The following FKBP15 variants were observed in gnomAD, a reference collection of about 807,000 sequenced individuals.
FKBP15 encodes the protein FK506-binding protein 15.
A neutral mutation model predicts 158.1 loss-of-function variants in FKBP15; 106 were observed. That is an observed-to-expected ratio of 0.67 (90% CI 0.57 to 0.79). FKBP15 has a LOEUF of 0.79. Among genes scored for constraint, FKBP15 ranks in the 30% least tolerant of loss-of-function variants. The pLI is 0.00. For synonymous variants in FKBP15, 547 were observed against 548.6 expected (o/e 1.00, Z 0.04); for missense variants, 1,287 against 1,479.1 (o/e 0.87, Z 2.13).
rs1236137934 is a variant in FKBP15 at position 113,206,828 on chromosome 9, T to C, written c.255-250A>G. 2.1e-5 allele frequency: 10 copies of C among 474,406 alleles called. No individual in the cohort carries two copies. The East Asian group carries it at 3.4e-4, about 16-fold the overall frequency. 29.4% of individuals were successfully genotyped at this position (474,406 alleles called of 1,614,324 possible). A position where few individuals can be genotyped will look rare whatever the true frequency, so the allele number is the denominator to read the frequency against. Reference sequence around the variant, plus strand: ...GCCTCCCAGGTTCAAGCAATTCTTCTGCCTCGGCCTCCCAAAGTGCTGGGA... The same window carrying C: ...GCCTCCCAGGTTCAAGCAATTCTTCCGCCTCGGCCTCCCAAAGTGCTGGGA... On this transcript the variant is annotated intron_variant, in intron 3 of 27. Transcript: ENST00000238256.
chr9:113,207,176 C>T lies in FKBP15; in HGVS notation c.254+36G>A, dbSNP rs72758240. 1.5e-3 allele frequency: 2,389 copies of T among 1,563,458 alleles called. 8 individuals are homozygous for T. The highest frequency in any genetic ancestry group is 1.9e-3 in the Non-Finnish European group (2,147 of 1,137,636). On this transcript the variant is annotated intron_variant, in intron 3 of 27. Transcript: ENST00000238256. ...AGTAGCTTAACTGCACGCCCTTCCA[C>T]CAAACTTCAGAGGGTGTTCCTTCTC...
intron 25 of FKBP15, among the ~76,000 whole-genome samples, 181 bp from the exon 26 acceptor site, chr9:113,170,123 T>A (rs1023663722): frequency 3.9e-5 from 6 of 151,996 alleles, no homozygotes; most frequent in Non-Finnish European, 7.4e-5. Context: ...CCTGAATAAT[T>A]TTCTTTTTTT....
At chr9:113,182,964 T>C (rs1830426451) in intron 18 of FKBP15, 96 bp from the exon 19 acceptor site, 5 of 978,312 alleles carry the variant, frequency 5.1e-6, no homozygotes, top group Admixed American at 1.9e-5. Flanking sequence ...ACATTGCTGC[T>C]CTATACCTTT....
Position 113,183,770 on chromosome 9 carries a change from G to T in FKBP15, c.1792C>A (p.Leu598Ile), listed in dbSNP as rs1481586401. ...CATTACCTCTGATTTCGTTCAATTA[G>T]TTCACTAATCTTGTCATTCTGTTCT... ...IEEQNDKISE[L>I]IERNQRYVEQ... The change falls in exon 18 of 28, where the codon CTA becomes ATA. Residue 598 changes from leucine to isoleucine, a missense_variant. Physicochemically the swap from Leu to Ile is conservative, Grantham distance 5 (BLOSUM62 2). Transcript: ENST00000238256. 1.2e-6 allele frequency: 2 copies of T among 1,612,974 alleles called. No homozygotes were observed. The highest frequency in any genetic ancestry group is 1.7e-6 in the Non-Finnish European group (2 of 1,179,214).
At chr9:113,211,689 C>G in intron 1 of FKBP15, 97 bp from the exon 2 acceptor site, 5 of 732,440 alleles carry the variant, frequency 6.8e-6, no homozygotes, top group Non-Finnish European at 1.1e-5. Context: ...CAAATACCTC[C>G]TTGACTACAT....
rs1264941451 is a variant in FKBP15 at position 113,184,721 on chromosome 9, C to T, written c.1582G>A (p.Asp528Asn). The T allele has an allele frequency of 6.2e-7, 1 of 1,607,922 alleles. No individual in the cohort carries two copies. The highest frequency in any genetic ancestry group is 1.7e-5 in the Admixed American group (1 of 59,214). ...TTAGTCATGAGATGATCCATTTTAT[C>T]AGCCACTTTGCTGACTGCCATTCGA... is the stretch of plus-strand genomic sequence containing the variant. ...EIRMAVSKVADKMDHLMTKVE... is the reference protein window; with the variant it reads ...EIRMAVSKVANKMDHLMTKVE... Residue 528 changes from aspartate to asparagine, a missense_variant, in exon 16 of 28, where the codon GAT (aspartate) becomes AAT (asparagine). Asp to Asn is a conservative substitution (Grantham distance 23). Transcript: ENST00000238256. This position sits in a 1 kb window ranked among gnomAD's most constrained non-coding sequence, Gnocchi z 4.5.
rs1830092880 is a variant in FKBP15, at chr9:113,166,028, A to G, written c.*50T>C. ...GACCCAGGGTTGGCTGTGCAAAATC[A>G]TGCTTAGGGAAGGGTTGCAGAGAAA... On this transcript the variant is annotated 3_prime_UTR_variant, in exon 28 of 28. Coordinates refer to ENST00000238256, the MANE Select transcript of FKBP15 (RefSeq NM_015258.2). 3.2e-6 allele frequency: 5 copies of G among 1,566,000 alleles called. No homozygotes were observed. The highest frequency in any genetic ancestry group is 1.8e-5 in the Admixed American group (1 of 55,594).
intron 7 of FKBP15, among the ~76,000 whole-genome samples, chr9:113,199,285 A>G (rs1328874595): frequency 6.6e-6 from 1 of 152,232 alleles, no homozygotes; most frequent in Non-Finnish European, 1.5e-5. Flanking sequence ...AATGGAAAAA[A>G]ATAAGAGTAT....
chr9:113,211,726 C>A (rs1195354908), intron 1 of FKBP15, 134 bp from the exon 2 acceptor site: 1 of 468,570 alleles, frequency 2.1e-6, no homozygotes, highest in South Asian at 4.1e-5. Flanking sequence ...AGAAACACTT[C>A]AAGCTAGGAA....
Position 113,161,932 on chromosome 9 carries a change from T to G in FKBP15, c.*4146A>C, listed in dbSNP as rs1399467765. On this transcript the variant is annotated 3_prime_UTR_variant, in exon 28 of 28. Transcript: ENST00000238256. ...ACTTGAGAGGCTCAGAAGGCTTTCTTTAGGGAACAGTGATCTTCAGGTGCA... is the reference window on the plus strand; with the variant it reads ...ACTTGAGAGGCTCAGAAGGCTTTCTGTAGGGAACAGTGATCTTCAGGTGCA... 3 of 634,622 alleles carry G rather than the reference T, an allele frequency of 4.7e-6. No homozygotes were observed. The highest frequency in any genetic ancestry group is 1.6e-5 in the South Asian group (1 of 61,598). The allele number at this position is 634,622 out of a possible 1,614,324, so 39.3% of individuals were successfully genotyped here. A position where few individuals can be genotyped will look rare whatever the true frequency, so the allele number is the denominator to read the frequency against.
Position 113,192,583 on chromosome 9 carries a change from C to A in FKBP15, c.1065+909G>T, listed in dbSNP as rs188571951. Among the ~76,000 whole-genome samples the A allele has an allele frequency of 1.9e-3, 294 of 152,262 alleles. 2 individuals carry two copies. The highest frequency in any genetic ancestry group is 6.6e-3 in the African/African-American group (276 of 41,536). On this transcript the variant is annotated intron_variant, in intron 11 of 27. Transcript: ENST00000238256. ...AGAGGCTCAGTGACCTGCTCAAAGT[C>A]AATCAGCTGGTGAATTAGTACAGAG...
intron 15 of FKBP15, 68 bp downstream of exon 15, chr9:113,186,178 TGAA>T: frequency 9.2e-7 from 1 of 1,082,106 alleles, no homozygotes; most frequent in Non-Finnish European, 1.4e-6. Flanking sequence ...GGTGTGAAAA[TGAA>T]GGAGGAGCAA....
rs936548443 is a variant in FKBP15 at position 113,162,681 on chromosome 9, A to G, written c.*3397T>C. 114 of 1,434,430 alleles carry G rather than the reference A, an allele frequency of 7.9e-5. No individual in the cohort carries two copies. The highest frequency in any genetic ancestry group is 2.0e-4 in the Middle Eastern group (1 of 4,982). The allele number at this position is 1,434,430 out of a possible 1,614,324, so 88.9% of individuals were successfully genotyped here. A position where few individuals can be genotyped will look rare whatever the true frequency, so the allele number is the denominator to read the frequency against. The stretch of plus-strand genomic sequence containing the variant: ...TAACTCAACAGCTTTCTACTCCCTG[A>G]TATCTACTCCCAGCTTCCTCATTAC... On this transcript the variant is annotated 3_prime_UTR_variant, in exon 28 of 28. Coordinates refer to ENST00000238256, the MANE Select transcript of FKBP15 (RefSeq NM_015258.2).
At chr9:113,173,813 G>A (rs531888688) in intron 22 of FKBP15, among the ~76,000 whole-genome samples, 1 of 152,288 alleles carries the variant, frequency 6.6e-6, no homozygotes, top group East Asian at 1.9e-4. Context: ...GGTACTCCAA[G>A]CAGACAAAAG....
chr9:113,205,371 C>T (rs1830867848), intron 4 of FKBP15, among the ~76,000 whole-genome samples: 1 of 152,156 alleles, frequency 6.6e-6, no homozygotes, highest in African/African-American at 2.4e-5. Flanking sequence ...GAGTAGACAT[C>T]TCTCCACAGA....
rs1162023669 is a variant in FKBP15 at position 113,162,988 on chromosome 9, A to G, written c.*3090T>C. 7.4e-6 allele frequency: 10 copies of G among 1,356,044 alleles called. No individual in the cohort carries two copies. Among genetic ancestry groups the G allele is most frequent in the Non-Finnish European group, 9.8e-6 (10 of 1,017,672 alleles). 84.0% of individuals were successfully genotyped at this position (1,356,044 alleles called of 1,614,324 possible). On this transcript the variant is annotated 3_prime_UTR_variant, in exon 28 of 28. Coordinates refer to ENST00000238256, the MANE Select transcript of FKBP15 (RefSeq NM_015258.2). ...CCCTCTTCCAGACACTATACTTCCA[A>G]CTGCCCTTTCTTCTGATGGCTATTC...
Position 113,177,571 on chromosome 9 carries a change from G to A in FKBP15, c.2087-898C>T, listed in dbSNP as rs573952286. Among the ~76,000 whole-genome samples, 406 of 152,252 alleles carry A rather than the reference G, an allele frequency of 2.7e-3. 17 individuals carry two copies. In the South Asian group the frequency reaches 0.082, roughly 31 times the overall value. On this transcript the variant is annotated intron_variant, in intron 20 of 27. Coordinates refer to ENST00000238256, the MANE Select transcript of FKBP15 (RefSeq NM_015258.2). Reference sequence around the variant, plus strand: ...GAACAGGGCGGAAGGATGGCTTGAGGTCAAGAGTTCACAACCAGCCTGGTC... The same window carrying A: ...GAACAGGGCGGAAGGATGGCTTGAGATCAAGAGTTCACAACCAGCCTGGTC...
intron 1 of FKBP15, among the ~76,000 whole-genome samples, chr9:113,220,353 G>A (rs187562180): frequency 1.4e-4 from 22 of 152,320 alleles, no homozygotes; most frequent in African/African-American, 5.3e-4. Flanking sequence ...AAGTCAAGCT[G>A]TCCACTGGCA....
Position 113,163,668 on chromosome 9 carries a change from C to CTGA in FKBP15, c.*2407_*2409dup, listed in dbSNP as rs35913692. On this transcript the variant is annotated 3_prime_UTR_variant, in exon 28 of 28. Coordinates refer to ENST00000238256, the MANE Select transcript of FKBP15 (RefSeq NM_015258.2). ...TGCTTTCAGGCTCCTGGTTTATTCTCTGATAGACTGAGCTCCTTCCACCAG... is the reference window on the plus strand; with the variant it reads ...TGCTTTCAGGCTCCTGGTTTATTCTCTGATGATAGACTGAGCTCCTTCCACCAG... The CTGA allele has an allele frequency of 5.3e-5, 8 of 152,212 alleles. No homozygotes were observed. The highest frequency in any genetic ancestry group is 3.9e-4 in the East Asian group (2 of 5,180). The allele number at this position is 152,212 out of a possible 1,614,324, so 9.4% of individuals were successfully genotyped here. A position where few individuals can be genotyped will look rare whatever the true frequency, so the allele number is the denominator to read the frequency against.
Sources: allele counts gnomAD v4.1 joint callset (sites outside exome capture counted in the v4.1 genomes callset), GRCh38; gene constraint gnomAD v4.1.1; non-coding constraint Gnocchi (gnomAD v3.1); transcripts MANE v1.5; gene names NCBI Gene and HGNC (gene_info 2026-07-23, HGNC 2026-07-21).